The following DPYD variants were observed in gnomAD, a reference collection of about 807,000 sequenced individuals.
DPYD encodes the protein dihydropyrimidine dehydrogenase [NADP(+)].
DPYD carries 109 observed loss-of-function variants against 116.2 expected under a neutral mutation model. That is an observed-to-expected ratio of 0.94 (90% confidence interval 0.80 to 1.10). DPYD has a LOEUF of 1.10. Among genes scored for constraint, DPYD ranks in the 50% least tolerant of loss-of-function variants. The pLI is 0.00. For missense variants in DPYD, 1,302 were observed against 1,254.5 expected, an observed-to-expected ratio of 1.04 and a Z score of -0.57; for synonymous variants, 440 against 432.0, an observed-to-expected ratio of 1.02 and a Z score of -0.23.
chr1:97,542,373 T>C (rs943716255), intron 12 of DPYD, among the ~76,000 whole-genome samples: 1 of 152,150 alleles, frequency 6.6e-6, no homozygotes, highest in African/African-American at 2.4e-5. Context: ...GGTTTTATTG[T>C]TTGATTAGTG....
intron 20 of DPYD, among the ~76,000 whole-genome samples, chr1:97,184,369 T>C (rs1181008954): frequency 6.6e-6 from 1 of 152,118 alleles, no homozygotes; most frequent in African/African-American, 2.4e-5. Context: ...TTGAACTAAT[T>C]TGCACTTCCA....
At chr1:97,824,841 A>G (rs1273555387) in intron 3 of DPYD, among the ~76,000 whole-genome samples, 1 of 152,132 alleles carries the variant, frequency 6.6e-6, no homozygotes, top group African/African-American at 2.4e-5. Context: ...TCTTATCCCA[A>G]TGCACTATTC....
At chr1:97,201,086 C>G (rs988549632) in intron 19 of DPYD, among the ~76,000 whole-genome samples, 7 of 151,942 alleles carry the variant, frequency 4.6e-5, no homozygotes, top group East Asian at 1.9e-4. Context: ...AATTTCAAAG[C>G]CTTAAATGAG....
intron 1 of DPYD, among the ~76,000 whole-genome samples, chr1:97,899,134 C>T (rs534609386): frequency 5.3e-5 from 8 of 151,106 alleles, no homozygotes; most frequent in Admixed American, 2.6e-4. Context: ...CCTTGGGCCA[C>T]GTTGTAACAG....
chr1:97,397,945 CT>C (rs79054469), intron 14 of DPYD, among the ~76,000 whole-genome samples: 91 of 146,854 alleles, frequency 6.2e-4, no homozygotes, highest in Admixed American at 1.8e-3. Flanking sequence ...CACATGCTGT[CT>C]TTTTTTTTTT....
rs71071658 is a variant in DPYD, at chr1:97,525,978, AGTGTGT to A, written c.1525-10043_1525-10038del. Reference sequence around the variant, plus strand: ...TAAGTAATTGCCCTGGGTAATTAAGAGTGTGTGTGTGTGTGTGTGTGTGTGTGTGTG... The same window carrying A: ...TAAGTAATTGCCCTGGGTAATTAAGAGTGTGTGTGTGTGTGTGTGTGTGTG... On this transcript the variant is annotated intron_variant, in intron 12 of 22. Coordinates refer to ENST00000370192, the MANE Select transcript of DPYD (RefSeq NM_000110.4). Among the ~76,000 whole-genome samples, 1,219 of 138,200 alleles carry A rather than the reference AGTGTGT, an allele frequency of 8.8e-3. 6 individuals are homozygous for A. Among genetic ancestry groups the A allele is most frequent in the South Asian group, 0.05 (211 of 4,180 alleles). The allele number at this position is 138,200 out of a possible 152,430, so 90.7% of individuals were successfully genotyped here.
At chr1:97,184,591 A>C (rs2101805858) in intron 20 of DPYD, among the ~76,000 whole-genome samples, 1 of 152,240 alleles carries the variant, frequency 6.6e-6, no homozygotes, top group South Asian at 2.1e-4. Flanking sequence ...CTTTCAGTGC[A>C]GATACTACAT....
intron 1 of DPYD, among the ~76,000 whole-genome samples, chr1:97,894,574 T>C (rs550541090): frequency 6.6e-6 from 1 of 151,810 alleles, no homozygotes; most frequent in African/African-American, 2.4e-5. Flanking sequence ...TATTGCTTAA[T>C]TTAAGAAAAG....
intron 7 of DPYD, among the ~76,000 whole-genome samples, chr1:97,682,281 G>A (rs1485310303): frequency 6.6e-6 from 1 of 151,884 alleles, no homozygotes; most frequent in Non-Finnish European, 1.5e-5. Flanking sequence ...ATGGAGACCA[G>A]CAAGACTTGA....
At chr1:97,329,117 A>G (rs1447646336) in intron 16 of DPYD, among the ~76,000 whole-genome samples, 5 of 152,310 alleles carry the variant, frequency 3.3e-5, no homozygotes, top group African/African-American at 1.2e-4. Flanking sequence ...CTATTAAACA[A>G]GAAGGAAAAG....
intron 2 of DPYD, among the ~76,000 whole-genome samples, chr1:97,858,888 T>C (rs1670979875): frequency 6.6e-6 from 1 of 152,116 alleles, no homozygotes. Context: ...ACAAATATTA[T>C]GTAGCAGTAG....
chr1:97,719,732 C>T (rs551254768), intron 5 of DPYD: 1 of 984,516 alleles, frequency 1.0e-6, no homozygotes, highest in East Asian at 1.1e-4. Flanking sequence ...ATCGGCCAAC[C>T]CAAAAAAAAG....
intron 16 of DPYD, among the ~76,000 whole-genome samples, chr1:97,355,286 GTATATAT>G (rs1670370653): frequency 6.6e-6 from 1 of 151,862 alleles, no homozygotes; most frequent in Admixed American, 6.6e-5. Flanking sequence ...AATTATTGTT[GTATATAT>G]TTGAGTTACC....
intron 8 of DPYD, among the ~76,000 whole-genome samples, chr1:97,676,369 T>C (rs903654544): frequency 6.6e-6 from 1 of 152,144 alleles, no homozygotes. Context: ...TTCCGGCTCA[T>C]AAATATAAGA....
chr1:97,533,585 G>C (rs1179286460), intron 12 of DPYD, among the ~76,000 whole-genome samples: 1 of 152,086 alleles, frequency 6.6e-6, no homozygotes, highest in African/African-American at 2.4e-5. Context: ...TAACATAAAG[G>C]AGTCAGTATG....
At chr1:97,225,491 A>C (rs942312688) in intron 19 of DPYD, among the ~76,000 whole-genome samples, 1 of 150,132 alleles carries the variant, frequency 6.7e-6, no homozygotes, top group Non-Finnish European at 1.5e-5. Flanking sequence ...CATAACTCTC[A>C]TTCATTTTTC....
intron 5 of DPYD, among the ~76,000 whole-genome samples, chr1:97,714,720 G>A (rs538250362): frequency 6.7e-6 from 1 of 148,634 alleles, no homozygotes; most frequent in Admixed American, 6.7e-5. Flanking sequence ...TTTCAATGTA[G>A]TAGCTTCATA....
intron 19 of DPYD, among the ~76,000 whole-genome samples, chr1:97,219,476 T>C (rs1309699347): frequency 6.6e-6 from 1 of 152,178 alleles, no homozygotes; most frequent in Non-Finnish European, 1.5e-5. Context: ...TGTCCTACCA[T>C]TAACAGAACA....
intron 19 of DPYD, 109 bp from the exon 20 acceptor site, chr1:97,193,357 T>C: frequency 4.3e-6 from 5 of 1,165,410 alleles, no homozygotes; most frequent in Non-Finnish European, 6.2e-6. Flanking sequence ...CAGGCACTGT[T>C]TGAGGCATGA....
Sources: gnomAD v4.1 joint callset for allele counts (sites outside exome capture counted in the v4.1 genomes callset) on GRCh38, gnomAD v4.1.1 for gene constraint, MANE v1.5 for transcripts, NCBI Gene and HGNC (gene_info 2026-07-23, HGNC 2026-07-21) for gene names.